The following LMX1B variants were observed in gnomAD, a reference collection of about 807,000 sequenced individuals.
LMX1B encodes the protein LIM homeobox transcription factor 1 beta.
Under a neutral mutation model 51.4 loss-of-function variants are expected in LMX1B, and 12 were observed. That is an observed-to-expected ratio of 0.23 (90% CI 0.15 to 0.38). The LOEUF is 0.38. LMX1B is among the 10% of genes least tolerant of loss of function. LMX1B has a pLI of 1.00. For synonymous variants in LMX1B, 237 were observed against 235.4 expected, an observed-to-expected ratio of 1.01 and a Z score of -0.06; for missense variants, 445 against 571.1, an observed-to-expected ratio of 0.78 and a Z score of 2.25.
chr9:126,693,615 C>T lies in LMX1B; in HGVS notation c.819+14C>T, dbSNP rs574482301. 37 of 1,613,930 alleles carry T rather than the reference C, an allele frequency of 2.3e-5. No homozygotes were observed. The East Asian group carries it at 5.8e-4, about 25-fold the overall frequency. On this transcript the variant is annotated intron_variant, in intron 5 of 7. Transcript: ENST00000373474. ...CAAAGAGCAAAGGTAAGAGGCCACC[C>T]CCCATCCCCACTGGCCCCGGGTAGG...
chr9:126,687,059 A>G (rs2029922021), intron 2 of LMX1B, among the ~76,000 whole-genome samples: 1 of 152,098 alleles, frequency 6.6e-6, no homozygotes, highest in Admixed American at 6.6e-5. Flanking sequence ...GGAATCATGG[A>G]GACTCTAGCA....
At chr9:126,683,323 C>T (rs968861109) in intron 2 of LMX1B, among the ~76,000 whole-genome samples, 4 of 151,978 alleles carry the variant, frequency 2.6e-5, no homozygotes. Flanking sequence ...CCGCGGCCGC[C>T]GCATCAAAGC....
At chr9:126,667,296 G>A (rs568608628) in intron 2 of LMX1B, among the ~76,000 whole-genome samples, 6 of 152,326 alleles carry the variant, frequency 3.9e-5, no homozygotes, top group East Asian at 3.9e-4. Flanking sequence ...ATCAGTACAC[G>A]CAGATTTGCT....
chr9:126,614,570 A>T lies in LMX1B; in HGVS notation c.121A>T (p.Thr41Ser). The change falls in exon 1 of 8, where the codon ACT becomes TCT. Residue 41 changes from threonine (T) to serine (S), a missense_variant. Coordinates refer to ENST00000373474, the MANE Select transcript of LMX1B (RefSeq NM_001174147.2). Reference sequence around the variant, plus strand: ...GCACGCCCTGCGCCCCGGGCCCGCCACTCTGGGGGTGCTGCTGGGTGAGTG... The same window carrying T: ...GCACGCCCTGCGCCCCGGGCCCGCCTCTCTGGGGGTGCTGCTGGGTGAGTG... Reference protein sequence around the residue: ...EEHALRPGPATLGVLLGSDCP... With the variant: ...EEHALRPGPASLGVLLGSDCP... 6.3e-7 allele frequency: 1 copy of T among 1,599,958 alleles called. No individual in the cohort carries two copies. The highest frequency in any genetic ancestry group is 8.5e-7 in the Non-Finnish European group (1 of 1,173,536).
At chr9:126,646,238 C>T (rs926884380) in intron 2 of LMX1B, among the ~76,000 whole-genome samples, 1 of 152,106 alleles carries the variant, frequency 6.6e-6, no homozygotes, top group Admixed American at 6.5e-5. Flanking sequence ...GTCTGCGTAT[C>T]TAAAAAAGCA....
chr9:126,693,848 G>A lies in LMX1B; in HGVS notation c.886+36G>A, dbSNP rs982927234. The A allele has an allele frequency of 5.9e-6, 6 of 1,011,748 alleles. No homozygotes were observed. In the African/African-American group the frequency reaches 7.9e-5, roughly 13 times the overall value. 62.7% of individuals were successfully genotyped at this position (1,011,748 alleles called of 1,614,324 possible). On this transcript the variant is annotated intron_variant, in intron 6 of 7. Coordinates refer to ENST00000373474, the MANE Select transcript of LMX1B (RefSeq NM_001174147.2). ...GCCGGGGCAGGGCCTGGGCCAGGGT[G>A]AGCTGGGGCCGGGGCCAGGGGTGGG...
rs1057063148 is a variant in LMX1B, at chr9:126,696,655, G to T, written c.*204G>T. Reference sequence around the variant, plus strand: ...TGGGCACAGCCTGGGCAGGGGCTGTGTCCTGCCCACAGAGACCTTGTCATC... The same window carrying T: ...TGGGCACAGCCTGGGCAGGGGCTGTTTCCTGCCCACAGAGACCTTGTCATC... On this transcript the variant is annotated 3_prime_UTR_variant, in exon 8 of 8. Coordinates refer to ENST00000373474, the MANE Select transcript of LMX1B (RefSeq NM_001174147.2). The T allele has an allele frequency of 1.6e-6, 1 of 606,840 alleles. No individual in the cohort carries two copies. Among genetic ancestry groups the T allele is most frequent in the Admixed American group, 3.0e-5 (1 of 33,718 alleles). 37.6% of individuals were successfully genotyped at this position (606,840 alleles called of 1,614,324 possible).
intron 2 of LMX1B, among the ~76,000 whole-genome samples, chr9:126,672,027 T>A (rs1836469264): frequency 6.6e-6 from 1 of 152,258 alleles, no homozygotes. Context: ...GGGGCAGGGC[T>A]GCTGGGGCCG....
At chr9:126,635,821 G>A (rs907966032) in intron 2 of LMX1B, among the ~76,000 whole-genome samples, 2 of 152,296 alleles carry the variant, frequency 1.3e-5, no homozygotes, top group Non-Finnish European at 1.5e-5. Flanking sequence ...CATCTTAGGT[G>A]CCATGAGCTG....
In LMX1B at chr9:126,693,936, C is replaced by A. The variant is rs1052284516; in HGVS notation, c.886+124C>A. The A allele has an allele frequency of 1.4e-4, 89 of 615,428 alleles. No homozygotes were observed. In the East Asian group the frequency reaches 2.1e-3, roughly 14 times the overall value. The allele number at this position is 615,428 out of a possible 1,614,324, so 38.1% of individuals were successfully genotyped here. A position where few individuals can be genotyped will look rare whatever the true frequency, so the allele number is the denominator to read the frequency against. On this transcript the variant is annotated intron_variant, in intron 6 of 7. Transcript: ENST00000373474. ...GGTGAGCCTGGGCCAGGGCTGGGAC[C>A]GGGGCTGCACCTGTCCCAGGGCTAG...
Position 126,668,977 on chromosome 9 carries a change from G to A in LMX1B, c.327-21859G>A, listed in dbSNP as rs1284625199. On this transcript the variant is annotated intron_variant, in intron 2 of 7. Transcript: ENST00000373474. ...CGCCTTCAAGAATGCTTGACTGGGT[G>A]AGGAAACTGAGTCATGGCCAGACTC... Among the ~76,000 whole-genome samples, 5 of 152,238 alleles carry A rather than the reference G, an allele frequency of 3.3e-5. No homozygotes were observed. In the South Asian group the frequency reaches 8.3e-4, roughly 25 times the overall value.
chr9:126,687,334 T>C (rs1427412313), intron 2 of LMX1B, among the ~76,000 whole-genome samples: 1 of 152,144 alleles, frequency 6.6e-6, no homozygotes, highest in East Asian at 1.9e-4. Context: ...GTTCAAGTGA[T>C]TCTCTTGCCT....
intron 2 of LMX1B, among the ~76,000 whole-genome samples, chr9:126,632,259 A>G (rs1360720871): frequency 6.6e-6 from 1 of 152,196 alleles, no homozygotes; most frequent in African/African-American, 2.4e-5. Flanking sequence ...TAGTCACACA[A>G]GAAGGCAGCA....
chr9:126,685,881 G>A (rs930929852), intron 2 of LMX1B, among the ~76,000 whole-genome samples: 4 of 152,164 alleles, frequency 2.6e-5, no homozygotes, highest in Non-Finnish European at 5.9e-5. Context: ...AGGGACTTGT[G>A]CAAGATTCCA....
At position 126,615,393 on chromosome 9, in the gene LMX1B, C is replaced by T. The variant is rs148305192; in HGVS notation, c.150C>T (p.Cys50=). The change falls in exon 2 of 8, where the codon TGC becomes TGT. Residue 50 remains cysteine, a synonymous_variant. Transcript: ENST00000373474. This position sits in a 1 kb window ranked among gnomAD's most constrained non-coding sequence, Gnocchi z 6.0. ...CCCTGTGCGCTACAGGCTCCGACTG[C>T]CCGCATCCCGCCGTCTGCGAGGGCT... The part of the protein sequence containing the change: ...ATLGVLLGSD[C]PHPAVCEGCQ... The T allele has an allele frequency of 6.2e-7, 1 of 1,600,212 alleles. No homozygotes were observed. The highest frequency in any genetic ancestry group is 8.5e-7 in the Non-Finnish European group (1 of 1,175,034).
chr9:126,685,639 A>G (rs921096532), intron 2 of LMX1B, among the ~76,000 whole-genome samples: 4 of 152,064 alleles, frequency 2.6e-5, no homozygotes, highest in African/African-American at 9.7e-5. Flanking sequence ...TTGTTCTGAG[A>G]ACTCAAGGAA....
intron 2 of LMX1B, among the ~76,000 whole-genome samples, chr9:126,627,231 A>G (rs1027146284): frequency 6.6e-6 from 1 of 151,934 alleles, no homozygotes; most frequent in African/African-American, 2.4e-5. Context: ...CCTGCCCTGC[A>G]GGCAGCTGAG....
At chr9:126,682,786 T>A (rs189848205) in intron 2 of LMX1B, among the ~76,000 whole-genome samples, 491 of 149,142 alleles carry the variant, frequency 3.3e-3, no homozygotes, top group Non-Finnish European at 4.9e-3. Flanking sequence ...TCCCAGCTAC[T>A]CGGGAGGGTA....
At chr9:126,636,877 A>G (rs1835722102) in intron 2 of LMX1B, among the ~76,000 whole-genome samples, 1 of 152,218 alleles carries the variant, frequency 6.6e-6, no homozygotes, top group Non-Finnish European at 1.5e-5. Context: ...ATGCAGGCAC[A>G]TGTATGTGCG....
Sources: gnomAD v4.1 joint callset for allele counts (sites outside exome capture counted in the v4.1 genomes callset) on GRCh38, gnomAD v4.1.1 for gene constraint, Gnocchi (gnomAD v3.1) non-coding constraint, MANE v1.5 for transcripts, NCBI Gene and HGNC (gene_info 2026-07-23, HGNC 2026-07-21) for gene names.